Variants in OR51B5 observed in about 807,000 individuals in gnomAD.
OR51B5 encodes the protein olfactory receptor family 51 subfamily B member 5, also known as olfactory receptor 51B5.
For missense variants in OR51B5, 456 were observed against 374.6 expected (o/e 1.22, Z -1.79); for synonymous variants, 186 against 144.8 (o/e 1.28, Z -2.04).
chr11:5,488,009 T>C (rs1412872729), intron 1 of OR51B5, among the ~76,000 whole-genome samples: 1 of 11,764 alleles, frequency 8.5e-5, no homozygotes, highest in Non-Finnish European at 2.8e-4. Flanking sequence ...ACATAACAAA[T>C]GCAGAAAAAA....
At chr11:5,458,617 C>G (rs1278891422) in intron 1 of OR51B5, among the ~76,000 whole-genome samples, 2 of 152,090 alleles carry the variant, frequency 1.3e-5, no homozygotes, top group East Asian at 3.9e-4. Context: ...TTGTTTGTGT[C>G]CTCTCTGATT....
intron 1 of OR51B5, among the ~76,000 whole-genome samples, chr11:5,463,711 A>C (rs1057502714): frequency 6.6e-6 from 1 of 152,226 alleles, no homozygotes; most frequent in African/African-American, 2.4e-5. Context: ...ATTGAAACCT[A>C]CTATTTGCCA....
At position 5,414,692 on chromosome 11, in the gene OR51B5, A is replaced by G. The variant is rs973372592; in HGVS notation, n.85-67782T>C. The stretch of plus-strand genomic sequence containing the variant: ...AGATCAAAAGAGACAAGGCCAATAC[A>G]TAATGGTAAAGGGATCAATTCAACA... On this transcript the variant is annotated intron_variant and non_coding_transcript_variant, in intron 1 of 4. Transcript: ENST00000415970. Among the ~76,000 whole-genome samples, 5 of 152,352 alleles carry G rather than the reference A, an allele frequency of 3.3e-5. No individual in the cohort carries two copies. The East Asian group carries it at 7.7e-4, about 23-fold the overall frequency.
intron 1 of OR51B5, among the ~76,000 whole-genome samples, chr11:5,405,404 CATT>C (rs1046175115): frequency 4.2e-4 from 64 of 152,210 alleles, no homozygotes; most frequent in Non-Finnish European, 7.8e-4. Flanking sequence ...CCTTTGATCT[CATT>C]AGTAGTCAGT....
At chr11:5,492,461 T>C (rs960669375) in intron 1 of OR51B5, among the ~76,000 whole-genome samples, 3 of 152,162 alleles carry the variant, frequency 2.0e-5, no homozygotes, top group African/African-American at 7.2e-5. Context: ...AATTTCTTCA[T>C]TGTGATTTAG....
At chr11:5,402,970 C>A (rs1049547499) in intron 1 of OR51B5, 4 of 471,198 alleles carry the variant, frequency 8.5e-6, no homozygotes, top group Non-Finnish European at 1.8e-5. Flanking sequence ...GTCTTTGGAC[C>A]GCTTTATAGC....
At chr11:5,440,821 A>T (rs781628206) in intron 1 of OR51B5, 1 of 1,613,878 alleles carries the variant, frequency 6.2e-7, no homozygotes. Flanking sequence ...TGTTCCTGGG[A>T]TATGATGACC....
At chr11:5,489,151 T>C (rs748986815) in intron 1 of OR51B5, 2 of 1,613,986 alleles carry the variant, frequency 1.2e-6, no homozygotes, top group Non-Finnish European at 1.7e-6. Flanking sequence ...CAGAATTGGC[T>C]TTGTTGGGCT....
rs546621879 is a variant in OR51B5, at chr11:5,365,248, G to A, written n.85-18338C>T. On this transcript the variant is annotated intron_variant and non_coding_transcript_variant, in intron 1 of 4. Transcript: ENST00000415970. The stretch of plus-strand genomic sequence containing the variant: ...TCAGGACTCCATGGAAACATCTAGT[G>A]AACCAGAAGGGCTGGTGGTGAGAAC... Among the ~76,000 whole-genome samples, 8 of 152,340 alleles carry A rather than the reference G, an allele frequency of 5.3e-5. No homozygotes were observed. The South Asian group carries it at 8.3e-4, about 16-fold the overall frequency.
chr11:5,421,777 A>C (rs1850342681), intron 1 of OR51B5, among the ~76,000 whole-genome samples: 1 of 152,202 alleles, frequency 6.6e-6, no homozygotes, highest in Non-Finnish European at 1.5e-5. Context: ...GGAAAAAGAC[A>C]CTGGATTTAT....
At chr11:5,462,193 G>C (rs77292417) in intron 1 of OR51B5, among the ~76,000 whole-genome samples, 1,596 of 152,310 alleles carry the variant, frequency 0.01, 26 homozygotes, top group African/African-American at 0.035. Flanking sequence ...GTAGGTTGGT[G>C]AGGAGAGAGG....
At chr11:5,478,216 C>A (rs1354563242) in intron 1 of OR51B5, among the ~76,000 whole-genome samples, 4 of 152,076 alleles carry the variant, frequency 2.6e-5, no homozygotes, top group Non-Finnish European at 4.4e-5. Flanking sequence ...GAACCCCGAG[C>A]AGCCTAACTG....
chr11:5,474,339 A>C (rs1426202974), intron 1 of OR51B5, among the ~76,000 whole-genome samples: 1 of 152,134 alleles, frequency 6.6e-6, no homozygotes, highest in African/African-American at 2.4e-5. Context: ...CAACACACAC[A>C]CATAAAATCA....
At chr11:5,358,123 G>T (rs11828514) in intron 1 of OR51B5, among the ~76,000 whole-genome samples, 22,684 of 150,420 alleles carry the variant, frequency 0.15, 2,058 homozygotes, top group Non-Finnish European at 0.21. Context: ...CTAGCAGAAG[G>T]CAAGAAATAA....
intron 1 of OR51B5, among the ~76,000 whole-genome samples, chr11:5,459,716 A>G (rs1040360505): frequency 4.6e-5 from 7 of 152,204 alleles, no homozygotes; most frequent in African/African-American, 7.2e-5. Context: ...CTAGTATTAA[A>G]AAGTCAAAAA....
In OR51B5 at chr11:5,437,047, AAGG is replaced by A. The variant is rs140476186; in HGVS notation, n.84+68519_84+68521del. Among the ~76,000 whole-genome samples the A allele has an allele frequency of 4.5e-3, 683 of 152,234 alleles. 3 individuals are homozygous for A. The highest frequency in any genetic ancestry group is 0.027 in the Middle Eastern group (8 of 294). On this transcript the variant is annotated intron_variant and non_coding_transcript_variant, in intron 1 of 4. Transcript: ENST00000415970. ...TGTGATGCTGTGCTGGTATTGGGGA[AAGG>A]AGGAGGGTTAGATCTTACCTTGGGA...
At chr11:5,352,376 A>G in intron 1 of OR51B5, 5 of 1,613,632 alleles carry the variant, frequency 3.1e-6, no homozygotes, top group Non-Finnish European at 4.2e-6. Flanking sequence ...CCATTTATCT[A>G]TAGCATTAAA....
chr11:5,497,236 C>G (rs532252944), intron 1 of OR51B5, among the ~76,000 whole-genome samples: 1 of 152,232 alleles, frequency 6.6e-6, no homozygotes, highest in East Asian at 1.9e-4. Context: ...TAAAGCCTGA[C>G]CAACATGGTA....
chr11:5,390,243 C>T (rs112259459), intron 1 of OR51B5: 1 of 1,613,902 alleles, frequency 6.2e-7, no homozygotes, highest in African/African-American at 1.3e-5. Flanking sequence ...CATGCCCCAC[C>T]TGCTATTCAT....
Sources: allele counts gnomAD v4.1 joint callset (sites outside exome capture counted in the v4.1 genomes callset), GRCh38; gene constraint gnomAD v4.1.1; transcripts MANE v1.5; gene names NCBI Gene and HGNC (gene_info 2026-07-23, HGNC 2026-07-21).